Variants in ATP6V1C2 observed in about 807,000 individuals in gnomAD.
The protein encoded by ATP6V1C2 is V-type proton ATPase subunit C 2.
Under a neutral mutation model 56.8 loss-of-function variants are expected in ATP6V1C2, and 45 were observed. The ratio of observed to expected loss-of-function variants is 0.79; its 90% CI spans 0.62 to 1.02. The LOEUF is 1.02. Ranked by LOEUF, ATP6V1C2 falls within the 50% of genes least tolerant of loss-of-function variation. The pLI is 0.00. For missense variants in ATP6V1C2, 463 were observed against 519.7 expected, an observed-to-expected ratio of 0.89 and a Z score of 1.06; for synonymous variants, 220 against 201.3, an observed-to-expected ratio of 1.09 and a Z score of -0.79.
Position 10,784,141 on chromosome 2 carries a change from T to C in ATP6V1C2, c.*878T>C. On this transcript the variant is annotated 3_prime_UTR_variant, in exon 14 of 14. Transcript: ENST00000272238. ...TTTCAAATGACCAATCAAGTACTAC[T>C]TCTTGGTTAAAAGGCCACTGGTAGA... 1 of 626,030 alleles carries C rather than the reference T, an allele frequency of 1.6e-6. No individual in the cohort carries two copies. The highest frequency in any genetic ancestry group is 2.8e-5 in the East Asian group (1 of 35,668). The allele number at this position is 626,030 out of a possible 1,614,324, so 38.8% of individuals were successfully genotyped here.
chr2:10,761,625 A>G (rs563393179), intron 4 of ATP6V1C2, among the ~76,000 whole-genome samples: 49 of 152,206 alleles, frequency 3.2e-4, no homozygotes, highest in Non-Finnish European at 5.4e-4. Flanking sequence ...AGATCAGACA[A>G]CCTGGTTTCT....
chr2:10,728,878 C>T (rs771318387), intron 3 of ATP6V1C2, among the ~76,000 whole-genome samples: 2 of 150,878 alleles, frequency 1.3e-5, no homozygotes, highest in Non-Finnish European at 2.9e-5. Flanking sequence ...GTGGCTCACA[C>T]CTATAATCTC....
At chr2:10,743,271 A>T (rs115451768) in intron 3 of ATP6V1C2, among the ~76,000 whole-genome samples, 6 of 151,560 alleles carry the variant, frequency 4.0e-5, no homozygotes, top group African/African-American at 9.7e-5. Context: ...ATTTATATAT[A>T]TATTTATTTA....
intron 3 of ATP6V1C2, among the ~76,000 whole-genome samples, chr2:10,745,530 G>A (rs957117006): frequency 1.3e-5 from 2 of 151,706 alleles, no homozygotes; most frequent in Non-Finnish European, 2.9e-5. Context: ...AAGTAGAGAC[G>A]GGTTTTCACC....
intron 1 of ATP6V1C2, 184 bp from the exon 2 acceptor site, chr2:10,722,640 T>G (rs1304499693): frequency 5.2e-6 from 3 of 581,588 alleles, no homozygotes; most frequent in Non-Finnish European, 8.8e-6. Context: ...CCAAGGAGCT[T>G]TGGAGTTTCG....
chr2:10,772,654 G>T (rs946935873), intron 8 of ATP6V1C2, 44 bp downstream of exon 8: 1 of 1,556,910 alleles, frequency 6.4e-7, no homozygotes, highest in East Asian at 2.2e-5. Flanking sequence ...TGGGGTACAT[G>T]TGTGGGTGCT....
At chr2:10,758,603 CA>C in intron 4 of ATP6V1C2, among the ~76,000 whole-genome samples, 1 of 150,454 alleles carries the variant, frequency 6.6e-6, no homozygotes, top group African/African-American at 2.5e-5. Context: ...TCTCTTAAAA[CA>C]AAACAAAACA....
chr2:10,781,293 C>T (rs181458244), intron 12 of ATP6V1C2, among the ~76,000 whole-genome samples: 6 of 152,096 alleles, frequency 3.9e-5, no homozygotes, highest in Admixed American at 3.9e-4. Flanking sequence ...AATAAACAAC[C>T]TCCAGTGCAA....
At position 10,763,463 on chromosome 2, in the gene ATP6V1C2, G is replaced by C. The variant is rs1043518133; in HGVS notation, c.284-868G>C. On this transcript the variant is annotated intron_variant, in intron 4 of 13. Transcript: ENST00000272238. This position sits in a 1 kb window ranked among gnomAD's most constrained non-coding sequence, Gnocchi z 4.2. ...TTGGGCAGGGGGTGGTGTCTAGTGT[G>C]TGTCCCCAGCAGGGTGATGGGTGTG... 1.3e-5 allele frequency among the ~76,000 whole-genome samples: 2 copies of C among 152,216 alleles called. No individual in the cohort carries two copies. Among genetic ancestry groups the C allele is most frequent in the African/African-American group, 4.8e-5 (2 of 41,448 alleles).
chr2:10,737,371 G>A (rs944112194), intron 3 of ATP6V1C2, among the ~76,000 whole-genome samples: 3 of 150,876 alleles, frequency 2.0e-5, no homozygotes, highest in East Asian at 2.0e-4. Flanking sequence ...TGCAGTGAGC[G>A]GAGATCACGC....
intron 13 of ATP6V1C2, among the ~76,000 whole-genome samples, chr2:10,782,636 A>T (rs965151123): frequency 7.9e-5 from 12 of 151,840 alleles, no homozygotes; most frequent in African/African-American, 2.7e-4. Flanking sequence ...ATGGAGACCA[A>T]CCTGGCCAAC....
chr2:10,749,866 C>T (rs965581792), intron 3 of ATP6V1C2, among the ~76,000 whole-genome samples: 5 of 151,934 alleles, frequency 3.3e-5, no homozygotes, highest in African/African-American at 1.2e-4. Context: ...ACTCAAATGT[C>T]CAATAGTAGA....
Position 10,782,287 on chromosome 2 carries a change from A to T in ATP6V1C2, c.1106A>T (p.His369Leu), listed in dbSNP as rs765549755. 3 of 1,614,236 alleles carry T rather than the reference A, an allele frequency of 1.9e-6. No individual in the cohort carries two copies. In the Admixed American group the frequency reaches 5.0e-5, roughly 27 times the overall value. The change falls in exon 13 of 14, where the codon CAT becomes CTT. Residue 369 changes from histidine (H) to leucine (L), a missense_variant. Coordinates refer to ENST00000272238, the MANE Select transcript of ATP6V1C2 (RefSeq NM_001039362.2). Reference protein sequence around the residue: ...VNFQAVLLQPHKKSSTKRLRE... With the variant: ...VNFQAVLLQPLKKSSTKRLRE... ...TTCCAGGCAGTGCTCCTGCAGCCGC[A>T]TAAGAAGTCATCCACCAAGCGTTTA...
intron 3 of ATP6V1C2, among the ~76,000 whole-genome samples, chr2:10,752,825 G>A (rs1189671756): frequency 4.6e-5 from 7 of 151,936 alleles, no homozygotes; most frequent in Admixed American, 2.0e-4. Context: ...GCAAAACCCC[G>A]TCTCTACTAA....
intron 3 of ATP6V1C2, among the ~76,000 whole-genome samples, chr2:10,745,192 C>A (rs1662836051): frequency 6.7e-6 from 1 of 148,626 alleles, no homozygotes; most frequent in African/African-American, 2.5e-5. Context: ...CCTGCCACCA[C>A]ACCCAGCTAA....
intron 3 of ATP6V1C2, among the ~76,000 whole-genome samples, chr2:10,739,120 A>G (rs146166873): frequency 1.3e-5 from 2 of 152,218 alleles, no homozygotes; most frequent in East Asian, 3.9e-4. Flanking sequence ...CATCTCTACT[A>G]AAAATAGAAA....
In ATP6V1C2 at chr2:10,778,595, G is replaced by A. The variant is rs1665149672; in HGVS notation, c.987G>A (p.Lys329=). ...EGEGPLLRWL[K]VNFSEAFIAW... ...AGGGCCCCCTGCTGCGCTGGCTCAA[G>A]GTGAACTTCAGTGAAGCCTTCATTG... is the stretch of plus-strand genomic sequence containing the variant. The change falls in exon 12 of 14, where the codon AAG becomes AAA. Residue 329 remains lysine (K), a synonymous_variant. Transcript: ENST00000272238. 1 of 1,614,222 alleles carries A rather than the reference G, an allele frequency of 6.2e-7. No homozygotes were observed. Among genetic ancestry groups the A allele is most frequent in the Non-Finnish European group, 8.5e-7 (1 of 1,180,034 alleles).
intron 5 of ATP6V1C2, chr2:10,768,015 G>C (rs1463116048): frequency 6.6e-6 from 1 of 152,144 alleles, no homozygotes; most frequent in Non-Finnish European, 1.5e-5. Context: ...TTCATCTGTT[G>C]ACTCTTGAGA....
chr2:10,725,753 A>C (rs1661605552), intron 2 of ATP6V1C2, among the ~76,000 whole-genome samples: 1 of 150,794 alleles, frequency 6.6e-6, no homozygotes, highest in Non-Finnish European at 1.5e-5. Context: ...CCTTGGCCTC[A>C]AGATCATGGT....
Sources: allele counts gnomAD v4.1 joint callset (sites outside exome capture counted in the v4.1 genomes callset), GRCh38; gene constraint gnomAD v4.1.1; non-coding constraint Gnocchi (gnomAD v3.1); transcripts MANE v1.5; gene names NCBI Gene and HGNC (gene_info 2026-07-23, HGNC 2026-07-21).